TMEM9: variants seen among roughly 807,000 people sequenced by gnomAD.
TMEM9 encodes the protein proton-transporting V-type ATPase complex assembly regulator TMEM9.
In TMEM9, 13 loss-of-function variants were observed where a neutral mutation model predicts 22.8. The observed-to-expected ratio is 0.57, with a 90% CI of 0.37 to 0.91. TMEM9 has a LOEUF of 0.91. Ranked by LOEUF, TMEM9 falls within the 40% of genes least tolerant of loss-of-function variation. The pLI is 0.01. For synonymous variants in TMEM9, 88 were observed against 93.0 expected, an observed-to-expected ratio of 0.95 and a Z score of 0.31; for missense variants, 182 against 238.1, an observed-to-expected ratio of 0.76 and a Z score of 1.55.
In TMEM9 at chr1:201,139,871, G is replaced by A. The variant is rs572578221; in HGVS notation, c.399+3949C>T. Among the ~76,000 whole-genome samples, 4 of 143,808 alleles carry A rather than the reference G, an allele frequency of 2.8e-5. No homozygotes were observed. The East Asian group carries it at 7.8e-4, about 28-fold the overall frequency. 94.3% of individuals were successfully genotyped at this position (143,808 alleles called of 152,430 possible). ...TAGCACCAAGGATAGTAAATGGCAG[G>A]GCTCGGCCCCTCCCAGGACTGTGAT... On this transcript the variant is annotated intron_variant, in intron 4 of 4. Coordinates refer to ENST00000367330, the MANE Select transcript of TMEM9 (RefSeq NM_001288565.2).
rs202146216 is a variant in TMEM9 at position 201,146,855 on chromosome 1, C to G, written c.159-7G>C. Reference sequence around the variant, plus strand: ...CACCACGTGCAGGCAGTTGCTACAACAGAGAGAGACAGGGCTGTCGAGGCA... The same window carrying G: ...CACCACGTGCAGGCAGTTGCTACAAGAGAGAGAGACAGGGCTGTCGAGGCA... On this transcript the variant is annotated splice_polypyrimidine_tract_variant and splice_region_variant and intron_variant, in intron 2 of 4. Transcript: ENST00000367330. The G allele has an allele frequency of 1.0e-4, 163 of 1,613,424 alleles. No individual in the cohort carries two copies. The Admixed American group carries it at 2.0e-3, about 20-fold the overall frequency.
intron 1 of TMEM9, among the ~76,000 whole-genome samples, chr1:201,160,966 A>C (rs1465330593): frequency 3.3e-5 from 5 of 152,108 alleles, no homozygotes; most frequent in Non-Finnish European, 7.4e-5. Context: ...GAGGACCCTA[A>C]AGAATTTTGT....
Position 201,143,917 on chromosome 1 carries a change from G to C in TMEM9, c.302C>G (p.Ala101Gly), listed in dbSNP as rs1472470149. The change falls in exon 4 of 5, where the codon GCC becomes GGC. Residue 101 changes from alanine to glycine, a missense_variant. Coordinates refer to ENST00000367330, the MANE Select transcript of TMEM9 (RefSeq NM_001288565.2). The part of the protein sequence containing the change: ...IIVIYLSVVG[A>G]LLLYMAFLML... ...CAGGAAGGCCATGTAGAGCAACAGGGCACCCACCACGGACAGGTAGATGAC... is the reference window on the plus strand; with the variant it reads ...CAGGAAGGCCATGTAGAGCAACAGGCCACCCACCACGGACAGGTAGATGAC... 1.9e-6 allele frequency: 3 copies of C among 1,614,118 alleles called. No individual in the cohort carries two copies. The highest frequency in any genetic ancestry group is 2.5e-6 in the Non-Finnish European group (3 of 1,179,992).
At chr1:201,168,824 C>G (rs1191929592) in intron 1 of TMEM9, among the ~76,000 whole-genome samples, 1 of 151,860 alleles carries the variant, frequency 6.6e-6, no homozygotes, top group Admixed American at 6.6e-5. Context: ...CAAGGTTTCA[C>G]TGTGTCACCC....
At chr1:201,157,000 G>A (rs1665813379), upstream of TMEM9, among the ~76,000 whole-genome samples, 2 of 152,198 alleles carry the variant, frequency 1.3e-5, no homozygotes, top group African/African-American at 2.4e-5. Context: ...GAGGTTTGTT[G>A]TCTCCTGGCC....
At chr1:201,155,305 C>T (rs1414120670), upstream of TMEM9, among the ~76,000 whole-genome samples, 1 of 123,714 alleles carries the variant, frequency 8.1e-6, no homozygotes, top group African/African-American at 3.1e-5. Flanking sequence ...AGATCCCCTT[C>T]AGCTTTGATA....
intron 2 of TMEM9, 73 bp downstream of exon 2, chr1:201,151,688 G>T (rs1187349506): frequency 9.0e-7 from 1 of 1,114,908 alleles, no homozygotes; most frequent in Non-Finnish European, 1.4e-6. Flanking sequence ...ATCCTCCAGG[G>T]TCCAAGAACT....
At chr1:201,152,162 G>A (rs1228969167) in intron 1 of TMEM9, among the ~76,000 whole-genome samples, 2 of 22,140 alleles carry the variant, frequency 9.0e-5, no homozygotes, top group Non-Finnish European at 1.6e-4. Flanking sequence ...GGGGAAATGG[G>A]TGTGTGTGTG....
chr1:201,146,979 G>GC lies in TMEM9; in HGVS notation c.159-132dup, dbSNP rs1037561076. 4.1e-6 allele frequency: 3 copies of GC among 738,022 alleles called. No individual in the cohort carries two copies. In the African/African-American group the frequency reaches 5.3e-5, roughly 13 times the overall value. 45.7% of individuals were successfully genotyped at this position (738,022 alleles called of 1,614,324 possible). A position where few individuals can be genotyped will look rare whatever the true frequency, so the allele number is the denominator to read the frequency against. On this transcript the variant is annotated intron_variant, in intron 2 of 4. Coordinates refer to ENST00000367330, the MANE Select transcript of TMEM9 (RefSeq NM_001288565.2). ...AAGGTGAAGGGTGCTCCCAGAGAGG[G>GC]CCAAGGGCTTATAAAGGATTAGGCT...
intron 1 of TMEM9, among the ~76,000 whole-genome samples, chr1:201,171,146 AC>A (rs1666201605): frequency 6.6e-6 from 1 of 151,526 alleles, no homozygotes; most frequent in Non-Finnish European, 1.5e-5. Context: ...GTCCTTCCCC[AC>A]CCGGGAGCCG....
At chr1:201,150,458 C>A (rs969179404) in intron 2 of TMEM9, among the ~76,000 whole-genome samples, 1 of 152,174 alleles carries the variant, frequency 6.6e-6, no homozygotes, top group Admixed American at 6.5e-5. Flanking sequence ...CATACACGCA[C>A]AACACACACA....
intron 2 of TMEM9, among the ~76,000 whole-genome samples, chr1:201,148,235 G>C (rs1665145626): frequency 6.6e-6 from 1 of 152,148 alleles, no homozygotes; most frequent in African/African-American, 2.4e-5. Flanking sequence ...AGTGAGGCCA[G>C]AACCCAAATC....
intron 4 of TMEM9, among the ~76,000 whole-genome samples, chr1:201,141,018 G>A (rs1211706469): frequency 6.6e-6 from 1 of 152,158 alleles, no homozygotes; most frequent in Non-Finnish European, 1.5e-5. Context: ...CAGCCCCAAT[G>A]CCCTGTTCAT....
chr1:201,146,995 G>A, intron 2 of TMEM9, 147 bp from the exon 3 acceptor site: 1 of 663,338 alleles, frequency 1.5e-6, no homozygotes, highest in South Asian at 1.9e-5. Flanking sequence ...GGCTTATAAA[G>A]GATTAGGCTG....
chr1:201,139,993 T>C (rs985470052), intron 4 of TMEM9, among the ~76,000 whole-genome samples: 6 of 152,192 alleles, frequency 3.9e-5, no homozygotes, highest in Admixed American at 6.5e-5. Flanking sequence ...GCCGACTGGA[T>C]TGCCCTCATC....
intron 4 of TMEM9, among the ~76,000 whole-genome samples, chr1:201,143,157 T>C (rs2102242207): frequency 6.6e-6 from 1 of 152,352 alleles, no homozygotes; most frequent in East Asian, 1.9e-4. Flanking sequence ...GGGTCAGTGG[T>C]TCCCCACTTT....
At chr1:201,137,087 T>G (rs780563086) in intron 4 of TMEM9, among the ~76,000 whole-genome samples, 10 of 152,268 alleles carry the variant, frequency 6.6e-5, no homozygotes, top group Non-Finnish European at 1.3e-4. Flanking sequence ...AGATGGACAC[T>G]GCCTTCTGGG....
intron 3 of TMEM9, chr1:201,144,175 CACAGCAGGCATCACG>C (rs1201189427): frequency 6.0e-6 from 3 of 496,272 alleles, no homozygotes; most frequent in Non-Finnish European, 1.1e-5. Flanking sequence ...AGGGAGTCTG[CACAGCAGGCATCACG>C]ACAGCAGGCA....
exon 1 of TMEM9, chr1:201,171,545 C>G (rs1666211368): frequency 1.3e-5 from 2 of 152,386 alleles, no homozygotes; most frequent in African/African-American, 4.8e-5. Flanking sequence ...AGCTCCTGCT[C>G]TCGGGTGCAT....
Sources: allele counts gnomAD v4.1 joint callset (sites outside exome capture counted in the v4.1 genomes callset), GRCh38; gene constraint gnomAD v4.1.1; transcripts MANE v1.5; gene names NCBI Gene and HGNC (gene_info 2026-07-23, HGNC 2026-07-21).